The following CCSER1 variants were observed in gnomAD, a reference collection of about 807,000 sequenced individuals.
CCSER1 encodes the protein serine-rich coiled-coil domain-containing protein 1.
A neutral mutation model predicts 82.0 loss-of-function variants in CCSER1; 41 were observed. The ratio of observed to expected loss-of-function variants is 0.50; its 90% CI spans 0.39 to 0.65. The LOEUF is 0.65. Among genes scored for constraint, CCSER1 ranks in the 30% least tolerant of loss-of-function variants. CCSER1 has a pLI of 0.00. For missense variants in CCSER1, 1,119 were observed against 1,064.2 expected (o/e 1.05, Z -0.72); for synonymous variants, 414 against 383.9 (o/e 1.08, Z -0.92).
chr4:91,215,498 C>G (rs1300514484), intron 10 of CCSER1, among the ~76,000 whole-genome samples: 2 of 152,134 alleles, frequency 1.3e-5, no homozygotes, highest in Non-Finnish European at 2.9e-5. Context: ...GTCTGAGTCC[C>G]ATAGCTGAAG....
chr4:90,777,623 TCA>T (rs564098175), intron 7 of CCSER1, among the ~76,000 whole-genome samples: 6 of 152,164 alleles, frequency 3.9e-5, no homozygotes, highest in Non-Finnish European at 8.8e-5. Flanking sequence ...TTTCTCAGTT[TCA>T]GTTTTATTAT....
intron 10 of CCSER1, among the ~76,000 whole-genome samples, chr4:91,245,455 T>G (rs561413264): frequency 6.6e-6 from 1 of 152,254 alleles, no homozygotes; most frequent in Non-Finnish European, 1.5e-5. Context: ...AGCAGACTTT[T>G]AGTGGAAACC....
At chr4:91,429,729 A>G (rs549342613) in intron 10 of CCSER1, among the ~76,000 whole-genome samples, 10 of 151,960 alleles carry the variant, frequency 6.6e-5, no homozygotes, top group Non-Finnish European at 1.3e-4. Context: ...TGTTGTCATG[A>G]GTAAAATCTC....
At chr4:90,660,667 A>G (rs1730610343) in intron 6 of CCSER1, among the ~76,000 whole-genome samples, 1 of 152,102 alleles carries the variant, frequency 6.6e-6, no homozygotes, top group South Asian at 2.1e-4. Flanking sequence ...AGGATTTATG[A>G]TAAGAAAAAT....
chr4:90,291,126 GT>G (rs1393477801), intron 1 of CCSER1, among the ~76,000 whole-genome samples: 1 of 140,418 alleles, frequency 7.1e-6, no homozygotes, highest in East Asian at 2.0e-4. Context: ...GAGCAAGAGT[GT>G]TTTTACTTGA....
In CCSER1 at chr4:90,874,914, T is replaced by C. The variant is rs1767001612; in HGVS notation, c.2095-48456T>C. Among the ~76,000 whole-genome samples, 3 of 152,046 alleles carry C rather than the reference T, an allele frequency of 2.0e-5. No homozygotes were observed. In the South Asian group the frequency reaches 6.2e-4, roughly 31 times the overall value. ...TACAAAAATTAGCTGGGCGTAGTGA[T>C]GCATTCCTATAGTCCCAGCTACTCA... is the stretch of plus-strand genomic sequence containing the variant. On this transcript the variant is annotated intron_variant, in intron 8 of 10. Coordinates refer to ENST00000509176, the MANE Select transcript of CCSER1 (RefSeq NM_001145065.2).
intron 4 of CCSER1, among the ~76,000 whole-genome samples, chr4:90,401,855 G>A (rs1448203232): frequency 6.6e-6 from 1 of 152,144 alleles, no homozygotes; most frequent in East Asian, 1.9e-4. Context: ...TGTTGATAGA[G>A]AACTTTTCTT....
intron 2 of CCSER1, 34 bp downstream of exon 2, chr4:90,309,642 GAATT>G: frequency 6.9e-7 from 1 of 1,456,182 alleles, no homozygotes; most frequent in Non-Finnish European, 9.2e-7. Flanking sequence ...CAAATGATAT[GAATT>G]AATTTTCATT....
chr4:90,639,993 A>AG (rs1726187430), intron 6 of CCSER1, among the ~76,000 whole-genome samples: 1 of 152,028 alleles, frequency 6.6e-6, no homozygotes, highest in African/African-American at 2.4e-5. Flanking sequence ...AAGAGTGTCC[A>AG]GGGAGCTAGG....
chr4:90,381,814 A>G (rs1347186748), intron 3 of CCSER1, among the ~76,000 whole-genome samples: 1 of 152,098 alleles, frequency 6.6e-6, no homozygotes, highest in African/African-American at 2.4e-5. Context: ...AATTTGTTTA[A>G]TTGATGTTTC....
chr4:90,666,951 T>C lies in CCSER1; in HGVS notation c.1932+38719T>C, dbSNP rs140205459. On this transcript the variant is annotated intron_variant, in intron 6 of 10. Coordinates refer to ENST00000509176, the MANE Select transcript of CCSER1 (RefSeq NM_001145065.2). ...GAGTATGGATTTACAAAGAAAATAA[T>C]AACTCTAATAATCTCTTGGAAATGG... Among the ~76,000 whole-genome samples, 615 of 152,276 alleles carry C rather than the reference T, an allele frequency of 4.0e-3. 3 individuals are homozygous for C. The highest frequency in any genetic ancestry group is 5.3e-3 in the Non-Finnish European group (360 of 68,016).
intron 7 of CCSER1, among the ~76,000 whole-genome samples, chr4:90,785,686 A>C (rs17245961): frequency 0.53 from 80,503 of 151,976 alleles, 21,924 homozygotes; most frequent in African/African-American, 0.65. Context: ...AATGCCAATT[A>C]AAACTATACG....
intron 3 of CCSER1, among the ~76,000 whole-genome samples, chr4:90,390,253 G>T (rs1335843286): frequency 6.6e-6 from 1 of 152,146 alleles, no homozygotes; most frequent in Non-Finnish European, 1.5e-5. Flanking sequence ...GTTGGGCAGT[G>T]AATATATACA....
chr4:91,392,968 G>A (rs1173546297), intron 10 of CCSER1, among the ~76,000 whole-genome samples: 2 of 152,124 alleles, frequency 1.3e-5, no homozygotes, highest in African/African-American at 4.8e-5. Context: ...ATATAGGGCT[G>A]AGGTGGTGTA....
chr4:90,920,085 C>G (rs956165035), intron 8 of CCSER1, among the ~76,000 whole-genome samples: 1 of 151,840 alleles, frequency 6.6e-6, no homozygotes, highest in East Asian at 1.9e-4. Flanking sequence ...ATGACAATGT[C>G]TGCTTACATG....
At chr4:91,171,752 T>C (rs1432496726) in intron 10 of CCSER1, among the ~76,000 whole-genome samples, 3 of 152,066 alleles carry the variant, frequency 2.0e-5, no homozygotes, top group Non-Finnish European at 4.4e-5. Flanking sequence ...GAATGTGATA[T>C]TCACCTGACA....
chr4:90,183,110 A>G (rs879812341), intron 1 of CCSER1, among the ~76,000 whole-genome samples: 1 of 152,084 alleles, frequency 6.6e-6, no homozygotes, highest in African/African-American at 2.4e-5. Flanking sequence ...CTTCTGAAAA[A>G]TTGGTAGACC....
Position 91,238,908 on chromosome 4 carries a change from C to G in CCSER1, c.2217+152914C>G, listed in dbSNP as rs879600669. 5.9e-5 allele frequency among the ~76,000 whole-genome samples: 9 copies of G among 152,052 alleles called. No homozygotes were observed. The South Asian group carries it at 1.5e-3, about 25-fold the overall frequency. Reference sequence around the variant, plus strand: ...GCAGGACCTCAGCTCACCGCAACCTCTGCCTCCAGAGTTCAAGCAATTCTC... The same window carrying G: ...GCAGGACCTCAGCTCACCGCAACCTGTGCCTCCAGAGTTCAAGCAATTCTC... On this transcript the variant is annotated intron_variant, in intron 10 of 10. Coordinates refer to ENST00000509176, the MANE Select transcript of CCSER1 (RefSeq NM_001145065.2).
At chr4:91,125,818 G>A (rs887213157) in intron 10 of CCSER1, among the ~76,000 whole-genome samples, 1 of 151,520 alleles carries the variant, frequency 6.6e-6, no homozygotes, top group African/African-American at 2.4e-5. Context: ...CAAAAAAAGT[G>A]TATTTAACAC....
Sources: allele counts gnomAD v4.1 joint callset (sites outside exome capture counted in the v4.1 genomes callset), GRCh38; gene constraint gnomAD v4.1.1; transcripts MANE v1.5; gene names NCBI Gene and HGNC (gene_info 2026-07-23, HGNC 2026-07-21).